XKR9: variants seen among roughly 807,000 people sequenced by gnomAD.
XKR9 encodes XK-related protein 9.
Under a neutral mutation model 32.0 loss-of-function variants are expected in XKR9, and 32 were observed. The observed-to-expected ratio is 1.00, with a 90% CI of 0.76 to 1.34. The LOEUF (loss-of-function observed/expected upper bound fraction) is 1.34. Ranked by LOEUF, XKR9 falls within the 40% of genes most tolerant of loss-of-function variation. The probability of loss-of-function intolerance (pLI) is 0.00; values close to 1 mark genes in which losing one functional copy is unlikely to be tolerated. For synonymous variants in XKR9, 168 were observed against 143.4 expected (o/e 1.17, Z -1.22); for missense variants, 546 against 429.7 (o/e 1.27, Z -2.39).
intron 4 of XKR9, among the ~76,000 whole-genome samples, chr8:70,724,476 A>T (rs1168910749): frequency 6.6e-6 from 1 of 151,850 alleles, no homozygotes. Context: ...GTCTGCCCAA[A>T]TAGCTGCCCA....
the XKR9 span, among the ~76,000 whole-genome samples, chr8:70,971,929 C>T: frequency 6.6e-6 from 1 of 151,946 alleles, no homozygotes; most frequent in Non-Finnish European, 1.5e-5. Context: ...GTTAGTATTG[C>T]TTTGGCTATA....
the XKR9 span, among the ~76,000 whole-genome samples, chr8:70,973,033 A>G: frequency 6.6e-6 from 1 of 152,166 alleles, no homozygotes; most frequent in South Asian, 2.1e-4. Flanking sequence ...TAGCATCAAT[A>G]GGATTGATAC....
At chr8:70,878,743 C>G in the XKR9 span, among the ~76,000 whole-genome samples, 1 of 152,106 alleles carries the variant, frequency 6.6e-6, no homozygotes, top group Non-Finnish European at 1.5e-5. Flanking sequence ...TTAGACAGAT[C>G]AACGAGACAG....
At chr8:70,872,291 C>A in the XKR9 span, among the ~76,000 whole-genome samples, 1 of 152,146 alleles carries the variant, frequency 6.6e-6, no homozygotes, top group Non-Finnish European at 1.5e-5. Context: ...AGCCAAAGCC[C>A]AGCCCAGAGC....
intron 1 of XKR9, among the ~76,000 whole-genome samples, chr8:70,673,895 A>G (rs933419365): frequency 7.2e-5 from 11 of 152,224 alleles, no homozygotes; most frequent in African/African-American, 2.4e-4. Flanking sequence ...ACAATAGTTT[A>G]TTATCTACTT....
chr8:70,997,192 G>A, the XKR9 span, among the ~76,000 whole-genome samples: 1 of 152,052 alleles, frequency 6.6e-6, no homozygotes, highest in Non-Finnish European at 1.5e-5. Flanking sequence ...AGCTACTCAG[G>A]AGGTTGAGAC....
the XKR9 span, among the ~76,000 whole-genome samples, chr8:70,831,026 C>T: frequency 4.6e-5 from 7 of 152,266 alleles, no homozygotes; most frequent in South Asian, 2.1e-4. Context: ...CATGGTGGCT[C>T]ACACCTGTAA....
At chr8:70,720,711 T>C (rs1038712293) in intron 4 of XKR9, among the ~76,000 whole-genome samples, 1 of 152,214 alleles carries the variant, frequency 6.6e-6, no homozygotes, top group Non-Finnish European at 1.5e-5. Context: ...CAGTATTTTA[T>C]TGAGGATTTC....
the XKR9 span, among the ~76,000 whole-genome samples, chr8:70,982,708 T>C: frequency 6.6e-6 from 1 of 152,182 alleles, no homozygotes; most frequent in Non-Finnish European, 1.5e-5. Flanking sequence ...CTGTGGATTC[T>C]CTTGGCTTTC....
At chr8:70,885,797 T>C in the XKR9 span, among the ~76,000 whole-genome samples, 1 of 152,090 alleles carries the variant, frequency 6.6e-6, no homozygotes, top group Non-Finnish European at 1.5e-5. Context: ...GGGGTTTCAC[T>C]GTGTTAGCCA....
intron 2 of XKR9, among the ~76,000 whole-genome samples, chr8:70,743,922 G>C (rs1316702340): frequency 6.6e-6 from 1 of 151,938 alleles, no homozygotes; most frequent in East Asian, 1.9e-4. Flanking sequence ...GAAGTGCTTT[G>C]AGGTAATTAC....
At chr8:70,813,012 T>C in the XKR9 span, among the ~76,000 whole-genome samples, 1 of 152,140 alleles carries the variant, frequency 6.6e-6, no homozygotes, top group East Asian at 1.9e-4. Context: ...AGAACAAAGC[T>C]GGAGGCATCA....
the XKR9 span, among the ~76,000 whole-genome samples, chr8:70,966,639 T>C: frequency 6.6e-6 from 1 of 152,242 alleles, no homozygotes; most frequent in African/African-American, 2.4e-5. Flanking sequence ...TCAGGTCTGC[T>C]TGATACAGAG....
intron 4 of XKR9, among the ~76,000 whole-genome samples, chr8:70,714,532 G>A (rs372813326): frequency 2.6e-5 from 4 of 151,848 alleles, no homozygotes; most frequent in African/African-American, 4.8e-5. Context: ...TAGCGTGGTC[G>A]ATTGGAATTT....
the XKR9 span, among the ~76,000 whole-genome samples, chr8:70,871,354 G>T: frequency 6.6e-6 from 1 of 152,026 alleles, no homozygotes; most frequent in South Asian, 2.1e-4. Flanking sequence ...CAGATACTGG[G>T]TTTTTTAAAA....
intron 2 of XKR9, among the ~76,000 whole-genome samples, chr8:70,746,041 G>A (rs544399219): frequency 6.6e-6 from 1 of 152,216 alleles, no homozygotes; most frequent in South Asian, 2.1e-4. Flanking sequence ...ATTAGATCTA[G>A]TTTGTTACAG....
chr8:71,049,640 A>C, the XKR9 span, among the ~76,000 whole-genome samples: 988 of 152,304 alleles, frequency 6.5e-3, 10 homozygotes, highest in African/African-American at 0.022. Context: ...TTCAGAGAAG[A>C]ATGGAAGTCA....
chr8:70,810,404 A>G, the XKR9 span, among the ~76,000 whole-genome samples: 1 of 152,232 alleles, frequency 6.6e-6, no homozygotes, highest in East Asian at 1.9e-4. Flanking sequence ...ATAACCAGCT[A>G]ACATCATAAT....
downstream of XKR9, among the ~76,000 whole-genome samples, chr8:70,738,207 T>C (rs1228855606): frequency 5.2e-5 from 7 of 135,194 alleles, no homozygotes; most frequent in Non-Finnish European, 1.2e-4. Context: ...GGAGGGTGTA[T>C]GTGTCAAGGA....
Sources: gnomAD v4.1 joint callset for allele counts (sites outside exome capture counted in the v4.1 genomes callset) on GRCh38, gnomAD v4.1.1 for gene constraint, MANE v1.5 for transcripts, NCBI Gene and HGNC (gene_info 2026-07-23, HGNC 2026-07-21) for gene names.